DCC: variants seen among roughly 807,000 people sequenced by gnomAD.
The protein encoded by DCC is netrin receptor DCC.
In DCC, 58 loss-of-function variants were observed where a neutral mutation model predicts 172.5. That is an observed-to-expected ratio of 0.34 (90% CI 0.27 to 0.42). The LOEUF (loss-of-function observed/expected upper bound fraction) is 0.42, where lower values mean the gene tolerates loss of function less well. Among genes scored for constraint, DCC ranks in the 10% least tolerant of loss-of-function variants. The pLI is 1.00. For missense variants in DCC, 1,740 were observed against 1,791.0 expected (o/e 0.97, Z 0.51); for synonymous variants, 709 against 644.5 (o/e 1.10, Z -1.52).
chr18:53,310,530 A>C (rs962540702), intron 13 of DCC, among the ~76,000 whole-genome samples: 1 of 152,118 alleles, frequency 6.6e-6, no homozygotes, highest in African/African-American at 2.4e-5. Context: ...AAAGTAATTC[A>C]GAGTTATAAC....
intron 1 of DCC, among the ~76,000 whole-genome samples, chr18:52,682,793 G>A (rs2035771012): frequency 6.6e-6 from 1 of 152,076 alleles, no homozygotes; most frequent in South Asian, 2.1e-4. Context: ...AGAGTAGTTG[G>A]TAGGATAAGG....
intron 7 of DCC, among the ~76,000 whole-genome samples, chr18:53,100,911 CAG>C (rs2043163196): frequency 6.6e-6 from 1 of 152,084 alleles, no homozygotes; most frequent in Non-Finnish European, 1.5e-5. Context: ...GATAACCACA[CAG>C]AGCATATTTT....
At chr18:52,789,287 CCT>C (rs922909657) in intron 2 of DCC, among the ~76,000 whole-genome samples, 3 of 152,054 alleles carry the variant, frequency 2.0e-5, no homozygotes, top group Admixed American at 6.6e-5. Flanking sequence ...TGTGGTGTCA[CCT>C]CTGTTTTTTT....
chr18:52,932,431 C>G (rs1211716300), intron 5 of DCC, among the ~76,000 whole-genome samples: 1 of 152,144 alleles, frequency 6.6e-6, no homozygotes, highest in Admixed American at 6.6e-5. Flanking sequence ...TGATCTTTTA[C>G]AAAGTGCCAG....
At chr18:52,488,067 T>C (rs1362475193) in intron 1 of DCC, among the ~76,000 whole-genome samples, 2 of 152,114 alleles carry the variant, frequency 1.3e-5, no homozygotes, top group African/African-American at 4.8e-5. Flanking sequence ...TGGTCAGCAA[T>C]ACATCTGCAT....
At chr18:52,847,713 T>A (rs1159848996) in intron 2 of DCC, among the ~76,000 whole-genome samples, 1 of 152,188 alleles carries the variant, frequency 6.6e-6, no homozygotes, top group African/African-American at 2.4e-5. Context: ...GACTATTAGT[T>A]TCCTGGTTAG....
intron 1 of DCC, among the ~76,000 whole-genome samples, chr18:52,439,775 TTAA>T (rs1357682776): frequency 6.6e-6 from 1 of 152,182 alleles, no homozygotes; most frequent in Non-Finnish European, 1.5e-5. Context: ...ATTTGTTTAG[TTAA>T]TAAAGAAACA....
intron 5 of DCC, among the ~76,000 whole-genome samples, chr18:53,060,319 G>T (rs757883044): frequency 9.2e-5 from 14 of 151,978 alleles, no homozygotes; most frequent in Non-Finnish European, 1.8e-4. Flanking sequence ...CACAGTACCT[G>T]GTTAGACTTA....
intron 9 of DCC, among the ~76,000 whole-genome samples, chr18:53,184,504 A>G (rs564518318): frequency 2.0e-5 from 3 of 152,214 alleles, no homozygotes; most frequent in South Asian, 4.1e-4. Flanking sequence ...ATAGTCTACT[A>G]TACACCTAGG....
intron 3 of DCC, among the ~76,000 whole-genome samples, chr18:52,922,239 G>A (rs1052843761): frequency 1.3e-5 from 2 of 152,138 alleles, no homozygotes; most frequent in African/African-American, 2.4e-5. Context: ...GACTGAGAAA[G>A]TGTGAAATTT....
intron 2 of DCC, among the ~76,000 whole-genome samples, chr18:52,809,672 G>T (rs1455411748): frequency 6.6e-6 from 1 of 152,172 alleles, no homozygotes; most frequent in African/African-American, 2.4e-5. Context: ...GTGGGGGACG[G>T]TGAGTAGAAG....
intron 7 of DCC, among the ~76,000 whole-genome samples, chr18:53,094,137 C>A (rs769571890): frequency 1.3e-5 from 2 of 152,112 alleles, no homozygotes; most frequent in Non-Finnish European, 2.9e-5. Flanking sequence ...ACAGACTTTT[C>A]CCAAGGTATT....
At chr18:53,411,159 A>C (rs1209103430) in intron 20 of DCC, among the ~76,000 whole-genome samples, 1 of 152,122 alleles carries the variant, frequency 6.6e-6, no homozygotes. Context: ...TATCTAGAAG[A>C]AAAAATGTTC....
chr18:52,626,741 C>A (rs1159586478), intron 1 of DCC, among the ~76,000 whole-genome samples: 3 of 152,182 alleles, frequency 2.0e-5, no homozygotes, highest in Non-Finnish European at 4.4e-5. Context: ...GAATTTCTCA[C>A]ATGCTGCGTA....
At chr18:53,211,009 A>C (rs974482680) in intron 11 of DCC, among the ~76,000 whole-genome samples, 2 of 152,104 alleles carry the variant, frequency 1.3e-5, no homozygotes, top group Non-Finnish European at 2.9e-5. Context: ...TAATTTTGCC[A>C]ATTTGTTCCA....
chr18:53,380,506 G>A (rs1027267320), intron 15 of DCC, among the ~76,000 whole-genome samples: 11 of 152,018 alleles, frequency 7.2e-5, no homozygotes, highest in Non-Finnish European at 1.3e-4. Flanking sequence ...TATCAGGACC[G>A]GAACAAAATC....
At chr18:53,318,986 C>A (rs1183723929) in intron 13 of DCC, among the ~76,000 whole-genome samples, 4 of 152,026 alleles carry the variant, frequency 2.6e-5, no homozygotes, top group Non-Finnish European at 4.4e-5. Context: ...GAATTGGCAA[C>A]CCAGAATTTC....
intron 7 of DCC, among the ~76,000 whole-genome samples, chr18:53,090,885 G>A (rs529573830): frequency 1.3e-4 from 19 of 151,880 alleles, no homozygotes; most frequent in African/African-American, 4.6e-4. Context: ...AATGGTGGTG[G>A]CATGGTCTAC....
At chr18:52,920,776 A>G in intron 3 of DCC, among the ~76,000 whole-genome samples, 1 of 152,170 alleles carries the variant, frequency 6.6e-6, no homozygotes, top group East Asian at 1.9e-4. Flanking sequence ...GGAAGCCACC[A>G]AGGTATTCTT....
Sources: allele counts gnomAD v4.1 joint callset (sites outside exome capture counted in the v4.1 genomes callset), GRCh38; gene constraint gnomAD v4.1.1; transcripts MANE v1.5; gene names NCBI Gene and HGNC (gene_info 2026-07-23, HGNC 2026-07-21).